Variants in SNX7 observed in about 807,000 individuals in gnomAD.
The protein encoded by SNX7 is sorting nexin 7, also known as sorting nexin-7.
A neutral mutation model predicts 48.4 loss-of-function variants in SNX7; 35 were observed. The ratio of observed to expected loss-of-function variants is 0.72; its 90% CI spans 0.55 to 0.96. SNX7 has a LOEUF of 0.96. SNX7 is among the 40% of genes least tolerant of loss of function. SNX7 has a pLI of 0.00. For synonymous variants in SNX7, 190 were observed against 190.2 expected, an observed-to-expected ratio of 1.00 and a Z score of 0.01; for missense variants, 553 against 548.9, an observed-to-expected ratio of 1.01 and a Z score of -0.07.
At position 98,691,914 on chromosome 1, in the gene SNX7, T is replaced by TATATAC. The variant is rs143738586; in HGVS notation, c.639+216_639+217insTATACA. 6.2e-3 allele frequency among the ~76,000 whole-genome samples: 825 copies of TATATAC among 133,516 alleles called. 9 individuals are homozygous for TATATAC. The highest frequency in any genetic ancestry group is 8.7e-3 in the African/African-American group (310 of 35,750). The allele number at this position is 133,516 out of a possible 152,430, so 87.6% of individuals were successfully genotyped here. ...AAATCTTGTATCTTCTCCATATATA[T>TATATAC]ACACACACACACACACACACACACT... On this transcript the variant is annotated intron_variant, in intron 4 of 8. Transcript: ENST00000306121.
At chr1:98,724,220 A>G (rs1178439657) in intron 7 of SNX7, among the ~76,000 whole-genome samples, 1 of 152,104 alleles carries the variant, frequency 6.6e-6, no homozygotes, top group Non-Finnish European at 1.5e-5. Flanking sequence ...GTGGCAACTT[A>G]CACTAGAGAT....
In SNX7 at chr1:98,664,071, A is replaced by G. The variant is rs145892949; in HGVS notation, c.180+2160A>G. 9.7e-4 allele frequency among the ~76,000 whole-genome samples: 147 copies of G among 152,314 alleles called. No individual in the cohort carries two copies. In the East Asian group the frequency reaches 0.022, roughly 23 times the overall value. ...TTCCTTGCCTGCTCCTCTATAAAACAAACACCACTGCTGTTCAGCCTATCC... is the reference window on the plus strand; with the variant it reads ...TTCCTTGCCTGCTCCTCTATAAAACGAACACCACTGCTGTTCAGCCTATCC... On this transcript the variant is annotated intron_variant, in intron 1 of 8. Transcript: ENST00000306121.
intron 8 of SNX7, among the ~76,000 whole-genome samples, chr1:98,739,613 G>C (rs1337042190): frequency 2.0e-5 from 3 of 152,114 alleles, no homozygotes; most frequent in Non-Finnish European, 2.9e-5. Flanking sequence ...AGACATTGCA[G>C]GGTCATATAA....
intron 1 of SNX7, among the ~76,000 whole-genome samples, chr1:98,668,654 C>A (rs977622525): frequency 6.6e-6 from 1 of 152,122 alleles, no homozygotes; most frequent in Non-Finnish European, 1.5e-5. Flanking sequence ...TGAAGAAAGT[C>A]TGGTGAAGAA....
intron 1 of SNX7, among the ~76,000 whole-genome samples, chr1:98,672,356 C>T (rs554259072): frequency 2.6e-5 from 4 of 151,148 alleles, no homozygotes; most frequent in African/African-American, 9.7e-5. Flanking sequence ...GACAATGGCT[C>T]CCAGATCTTC....
At chr1:98,726,228 A>G (rs997544218) in intron 7 of SNX7, among the ~76,000 whole-genome samples, 1 of 152,150 alleles carries the variant, frequency 6.6e-6, no homozygotes, top group African/African-American at 2.4e-5. Context: ...TGACTGATAA[A>G]TGTGTGTCTT....
At chr1:98,662,784 C>A (rs1649318455) in intron 1 of SNX7, 4 of 1,289,340 alleles carry the variant, frequency 3.1e-6, no homozygotes, top group Non-Finnish European at 4.0e-6. Context: ...TACTAAGAAG[C>A]CTGTTCATTT....
At position 98,677,322 on chromosome 1, in the gene SNX7, G is replaced by A. The variant is rs564149161; in HGVS notation, c.181-7563G>A. ...TTAGACAAAACTATTGAAGGTGACT[G>A]AGCAGATGACCAGTGTTGCCAATTG... On this transcript the variant is annotated intron_variant, in intron 1 of 8. Transcript: ENST00000306121. 3.3e-5 allele frequency: 5 copies of A among 152,282 alleles called. No homozygotes were observed. In the South Asian group the frequency reaches 1.0e-3, roughly 32 times the overall value. The allele number at this position is 152,282 out of a possible 1,614,324, so 9.4% of individuals were successfully genotyped here. A position where few individuals can be genotyped will look rare whatever the true frequency, so the allele number is the denominator to read the frequency against.
intron 6 of SNX7, among the ~76,000 whole-genome samples, chr1:98,699,614 GCTC>G (rs1651648097): frequency 1.3e-5 from 2 of 152,124 alleles, no homozygotes; most frequent in African/African-American, 2.4e-5. Context: ...TTCAGATACA[GCTC>G]CTTTTTTCCG....
intron 8 of SNX7, among the ~76,000 whole-genome samples, chr1:98,751,673 T>G (rs1654588236): frequency 6.6e-6 from 1 of 152,122 alleles, no homozygotes; most frequent in Non-Finnish European, 1.5e-5. Context: ...ATTTATCAAC[T>G]TAATTTTTTC....
chr1:98,692,014 A>C (rs1428252137), intron 4 of SNX7, among the ~76,000 whole-genome samples: 1 of 151,646 alleles, frequency 6.6e-6, no homozygotes, highest in Non-Finnish European at 1.5e-5. Flanking sequence ...CAAATACTGA[A>C]CAGGTATAAA....
chr1:98,677,598 GGCC>G (rs1409551910), intron 1 of SNX7, among the ~76,000 whole-genome samples: 2 of 152,238 alleles, frequency 1.3e-5, no homozygotes, highest in Non-Finnish European at 2.9e-5. Flanking sequence ...GAGGTATATA[GGCC>G]AGGGGCAGTG....
intron 8 of SNX7, among the ~76,000 whole-genome samples, chr1:98,747,285 T>A (rs1654351823): frequency 6.6e-6 from 1 of 152,150 alleles, no homozygotes. Flanking sequence ...ATAGTGTTGA[T>A]CTCTAATGCT....
chr1:98,692,986 G>T (rs4375290), intron 4 of SNX7, among the ~76,000 whole-genome samples: 144,129 of 152,190 alleles, frequency 0.95, 68,319 homozygotes, highest in East Asian at 1. Context: ...GGTTTGTGAG[G>T]TTTTTTTAGT....
At chr1:98,738,814 CTT>C (rs1476160390) in intron 8 of SNX7, among the ~76,000 whole-genome samples, 1 of 152,116 alleles carries the variant, frequency 6.6e-6, no homozygotes. Flanking sequence ...GTAACAACAT[CTT>C]TTTTTAAGTT....
intron 7 of SNX7, among the ~76,000 whole-genome samples, chr1:98,709,644 A>G (rs935928311): frequency 2.0e-5 from 3 of 152,220 alleles, no homozygotes; most frequent in Admixed American, 6.5e-5. Context: ...AGCACCAGCA[A>G]TATGGTTTCA....
intron 4 of SNX7, among the ~76,000 whole-genome samples, chr1:98,692,767 T>TA (rs1389430662): frequency 6.6e-6 from 1 of 152,220 alleles, no homozygotes; most frequent in Non-Finnish European, 1.5e-5. Context: ...TTTGATTTAA[T>TA]ACTGCATCTT....
intron 8 of SNX7, among the ~76,000 whole-genome samples, chr1:98,741,207 A>G (rs532927152): frequency 6.6e-6 from 1 of 152,272 alleles, no homozygotes; most frequent in East Asian, 1.9e-4. Flanking sequence ...GATGGATGAA[A>G]CAGGGTATAC....
At position 98,685,079 on chromosome 1, in the gene SNX7, G is replaced by A. The variant is rs9433747; in HGVS notation, c.363+12G>A. On this transcript the variant is annotated intron_variant, in intron 2 of 8. Transcript: ENST00000306121. ...GGATTATTACTAAGGTAAACATTTG[G>A]TGAATATTTTCTTGAATATAGCTGC... The A allele has an allele frequency of 0.95, 1,322,299 of 1,397,466 alleles. 628,631 individuals carry two copies. The highest frequency in any genetic ancestry group is 0.96 in the Non-Finnish European group (1,020,814 of 1,058,372). The allele number at this position is 1,397,466 out of a possible 1,614,324, so 86.6% of individuals were successfully genotyped here. A position where few individuals can be genotyped will look rare whatever the true frequency, so the allele number is the denominator to read the frequency against.
Sources: allele counts gnomAD v4.1 joint callset (sites outside exome capture counted in the v4.1 genomes callset), GRCh38; gene constraint gnomAD v4.1.1; transcripts MANE v1.5; gene names NCBI Gene and HGNC (gene_info 2026-07-23, HGNC 2026-07-21).